The following GALNT2 variants were observed in gnomAD, a reference collection of about 807,000 sequenced individuals.
The protein encoded by GALNT2 is UDP-GalNAc:polypeptide N-acetylgalactosaminyltransferase 2.
In GALNT2, 31 loss-of-function variants were observed where a neutral mutation model predicts 81.4. The observed-to-expected ratio is 0.38, with a 90% confidence interval of 0.29 to 0.51. The LOEUF (loss-of-function observed/expected upper bound fraction) is 0.51. Among genes scored for constraint, GALNT2 ranks in the 20% least tolerant of loss-of-function variants. The probability of loss-of-function intolerance (pLI) is 0.87; values close to 1 mark genes in which losing one functional copy is unlikely to be tolerated. For synonymous variants in GALNT2, 303 were observed against 287.4 expected (o/e 1.05, Z -0.55); for missense variants, 629 against 765.7 (o/e 0.82, Z 2.11).
At chr1:230,118,642 T>C (rs1235573388) in intron 1 of GALNT2, among the ~76,000 whole-genome samples, 1 of 151,810 alleles carries the variant, frequency 6.6e-6, no homozygotes, top group Non-Finnish European at 1.5e-5. Flanking sequence ...CCCACCTCTC[T>C]CCAGCCTCAA....
intron 1 of GALNT2, among the ~76,000 whole-genome samples, chr1:230,128,329 C>T (rs781328105): frequency 9.2e-5 from 14 of 151,776 alleles, no homozygotes; most frequent in South Asian, 2.1e-4. Context: ...CAAGGGCAGG[C>T]GTGTGTTCTC....
At position 230,070,706 on chromosome 1, in the gene GALNT2, CG is replaced by C; in HGVS notation, c.126+3303del. Among the ~76,000 whole-genome samples the C allele has an allele frequency of 6.6e-6, 1 of 152,156 alleles. No individual in the cohort carries two copies. The highest frequency in any genetic ancestry group is 2.4e-5 in the African/African-American group (1 of 41,518). On this transcript the variant is annotated intron_variant, in intron 1 of 15. Coordinates refer to ENST00000366672, the MANE Select transcript of GALNT2 (RefSeq NM_004481.5). This position sits in a 1 kb window ranked among gnomAD's most constrained non-coding sequence, Gnocchi z 4.7. ...ATCTTCTAGGAATCATGCGGGGAGG[CG>C]GGCAGGTTATTTCTTGGAACAGTGA...
At chr1:230,264,954 G>A (rs1665987445) in intron 13 of GALNT2, 1 of 321,654 alleles carries the variant, frequency 3.1e-6, no homozygotes, top group African/African-American at 2.3e-5. Flanking sequence ...AGAGTATCAG[G>A]AGCTTTTCCT....
In GALNT2 at chr1:230,279,694, A is replaced by T. The variant is rs933658037; in HGVS notation, c.*236A>T. 3 of 570,830 alleles carry T rather than the reference A, an allele frequency of 5.3e-6. No homozygotes were observed. Among genetic ancestry groups the T allele is most frequent in the Non-Finnish European group, 9.4e-6 (3 of 317,780 alleles). 35.4% of individuals were successfully genotyped at this position (570,830 alleles called of 1,614,324 possible). The stretch of plus-strand genomic sequence containing the variant: ...GCAGCCCAGCCGGGCCCCCTTCCCC[A>T]GGCCGGAGCGCCCCTCTTCCTTCCA... On this transcript the variant is annotated 3_prime_UTR_variant, in exon 16 of 16. Coordinates refer to ENST00000366672, the MANE Select transcript of GALNT2 (RefSeq NM_004481.5). This position sits in a 1 kb window ranked among gnomAD's most constrained non-coding sequence, Gnocchi z 4.6.
rs181274758 is a variant in GALNT2, at chr1:230,280,445, G to C, written c.*987G>C. The C allele has an allele frequency of 1.6e-4, 31 of 192,100 alleles. No individual in the cohort carries two copies. Among genetic ancestry groups the C allele is most frequent in the Admixed American group, 7.9e-4 (15 of 19,024 alleles). 11.9% of individuals were successfully genotyped at this position (192,100 alleles called of 1,614,324 possible). A position where few individuals can be genotyped will look rare whatever the true frequency, so the allele number is the denominator to read the frequency against. On this transcript the variant is annotated 3_prime_UTR_variant, in exon 16 of 16. Coordinates refer to ENST00000366672, the MANE Select transcript of GALNT2 (RefSeq NM_004481.5). ...TTACATTAAATTTCTTTTCTCTAAGGAATATAAGACATACCCCATAGCTCT... is the reference window on the plus strand; with the variant it reads ...TTACATTAAATTTCTTTTCTCTAAGCAATATAAGACATACCCCATAGCTCT...
At chr1:230,075,531 A>G (rs1363303840) in intron 1 of GALNT2, among the ~76,000 whole-genome samples, 1 of 152,212 alleles carries the variant, frequency 6.6e-6, no homozygotes, top group African/African-American at 2.4e-5. Flanking sequence ...GAAGGAGCAG[A>G]GATGAAAACT....
chr1:230,176,258 A>G (rs1002967740), intron 1 of GALNT2, among the ~76,000 whole-genome samples: 2 of 152,174 alleles, frequency 1.3e-5, no homozygotes, highest in African/African-American at 4.8e-5. Context: ...GGGCAAATCA[A>G]TCTTATTTGT....
chr1:230,237,765 C>T (rs1472702846), intron 6 of GALNT2, among the ~76,000 whole-genome samples: 1 of 152,008 alleles, frequency 6.6e-6, no homozygotes, highest in African/African-American at 2.4e-5. Flanking sequence ...TTGCTGCCCC[C>T]TAAACACCTT....
intron 1 of GALNT2, among the ~76,000 whole-genome samples, chr1:230,086,044 G>A (rs1392421933): frequency 6.6e-6 from 1 of 152,154 alleles, no homozygotes; most frequent in East Asian, 1.9e-4. Context: ...AACGAACTCG[G>A]GTTCCACCAG....
At chr1:230,154,364 C>T (rs1662182893) in intron 1 of GALNT2, among the ~76,000 whole-genome samples, 1 of 152,086 alleles carries the variant, frequency 6.6e-6, no homozygotes. Flanking sequence ...GAGCTGATGC[C>T]GTTGGTATTT....
At chr1:230,101,812 T>G (rs1047215997) in intron 1 of GALNT2, among the ~76,000 whole-genome samples, 9 of 152,220 alleles carry the variant, frequency 5.9e-5, no homozygotes, top group African/African-American at 1.4e-4. Context: ...TAAGATGGCC[T>G]CCTCCTCTGG....
chr1:230,123,160 A>G (rs181431843), intron 1 of GALNT2, among the ~76,000 whole-genome samples: 2 of 152,318 alleles, frequency 1.3e-5, no homozygotes, highest in East Asian at 1.9e-4. Context: ...CAGCTAGTCT[A>G]TGAGCCTTAG....
At chr1:230,184,329 C>T (rs924241658) in intron 2 of GALNT2, among the ~76,000 whole-genome samples, 1 of 151,972 alleles carries the variant, frequency 6.6e-6, no homozygotes, top group Non-Finnish European at 1.5e-5. Flanking sequence ...GCTGGGACTA[C>T]AGGCGCCCAA....
intron 1 of GALNT2, among the ~76,000 whole-genome samples, chr1:230,173,415 T>C (rs1662859473): frequency 6.6e-6 from 1 of 152,206 alleles, no homozygotes; most frequent in African/African-American, 2.4e-5. Context: ...TGTCTACACT[T>C]TCCTGAAGCA....
intron 14 of GALNT2, 130 bp downstream of exon 14, chr1:230,265,497 T>A: frequency 7.7e-7 from 1 of 1,292,052 alleles, no homozygotes; most frequent in Non-Finnish European, 1.1e-6. Flanking sequence ...AGCACCTGGC[T>A]CCTGCTGGCC....
chr1:230,137,439 A>G (rs1467431475), intron 1 of GALNT2, among the ~76,000 whole-genome samples: 3 of 151,252 alleles, frequency 2.0e-5, no homozygotes, highest in African/African-American at 7.3e-5. Flanking sequence ...GCAGTGGCTG[A>G]CCTCTCCCCT....
chr1:230,152,246 C>T (rs1662114222), intron 1 of GALNT2, among the ~76,000 whole-genome samples: 1 of 152,164 alleles, frequency 6.6e-6, no homozygotes, highest in Non-Finnish European at 1.5e-5. Flanking sequence ...GTAAAGCTCT[C>T]AGGGGGCTCA....
intron 1 of GALNT2, among the ~76,000 whole-genome samples, chr1:230,155,431 C>T (rs1662218756): frequency 6.6e-6 from 1 of 152,220 alleles, no homozygotes; most frequent in Non-Finnish European, 1.5e-5. Flanking sequence ...TGTCCTTGAA[C>T]TGAAAATTGG....
intron 2 of GALNT2, among the ~76,000 whole-genome samples, chr1:230,197,363 G>A (rs542897651): frequency 1.3e-5 from 2 of 152,244 alleles, no homozygotes; most frequent in South Asian, 2.1e-4. Flanking sequence ...ACCCCTGCTC[G>A]CCTGGGCAGT....
Sources: gnomAD v4.1 joint callset for allele counts (sites outside exome capture counted in the v4.1 genomes callset) on GRCh38, gnomAD v4.1.1 for gene constraint, Gnocchi (gnomAD v3.1) non-coding constraint, MANE v1.5 for transcripts, NCBI Gene and HGNC (gene_info 2026-07-23, HGNC 2026-07-21) for gene names.